PISD: variants seen among roughly 807,000 people sequenced by gnomAD.
The protein encoded by PISD is phosphatidylserine decarboxylase.
Under a neutral mutation model 43.5 loss-of-function variants are expected in PISD, and 31 were observed. The ratio of observed to expected loss-of-function variants is 0.71; its 90% CI spans 0.54 to 0.96. The LOEUF (loss-of-function observed/expected upper bound fraction) is 0.96. Among genes scored for constraint, PISD ranks in the 40% least tolerant of loss-of-function variants. PISD has a pLI of 0.00. For missense variants in PISD, 523 were observed against 548.4 expected (o/e 0.95, Z 0.46); for synonymous variants, 259 against 228.7 (o/e 1.13, Z -1.20).
chr22:31,619,591 G>A lies in PISD; in HGVS notation c.*21C>T. On this transcript the variant is annotated 3_prime_UTR_variant, in exon 8 of 8. Coordinates refer to ENST00000439502, the MANE Select transcript of PISD (RefSeq NM_001326411.2). ...TCTGTTTGGAAAAGATCCCTTAGCA[G>A]CCATAATCAGGAAAGAGACTCTAGA... 2 of 1,586,928 alleles carry A rather than the reference G, an allele frequency of 1.3e-6. No homozygotes were observed. Among genetic ancestry groups the A allele is most frequent in the South Asian group, 2.2e-5 (2 of 90,406 alleles).
At chr22:31,642,019 A>G (rs1025831089) in intron 3 of PISD, among the ~76,000 whole-genome samples, 4 of 151,080 alleles carry the variant, frequency 2.6e-5, no homozygotes, top group Admixed American at 1.3e-4. Context: ...GTAGGCTTTC[A>G]TCATGAGGAA....
In PISD at chr22:31,619,461, T is replaced by C. The variant is rs1349635618; in HGVS notation, c.*151A>G. 1.4e-6 allele frequency: 1 copy of C among 702,862 alleles called. No homozygotes were observed. The highest frequency in any genetic ancestry group is 2.6e-6 in the Non-Finnish European group (1 of 384,712). 43.5% of individuals were successfully genotyped at this position (702,862 alleles called of 1,614,324 possible). On this transcript the variant is annotated 3_prime_UTR_variant, in exon 8 of 8. Transcript: ENST00000439502. ...CTCTTGTCTGCACCTCTGGAACAGGTGGTAGCCGAATCATTCAAGTCCTAC... is the reference window on the plus strand; with the variant it reads ...CTCTTGTCTGCACCTCTGGAACAGGCGGTAGCCGAATCATTCAAGTCCTAC...
chr22:31,626,686 T>A (rs2072928651), intron 3 of PISD, among the ~76,000 whole-genome samples: 1 of 152,208 alleles, frequency 6.6e-6, no homozygotes, highest in Admixed American at 6.5e-5. Flanking sequence ...GAAAAGCACT[T>A]TGGCCAGGGC....
intron 3 of PISD, chr22:31,623,845 G>A (rs1302145823): frequency 1.9e-6 from 3 of 1,612,888 alleles, no homozygotes; most frequent in Non-Finnish European, 2.5e-6. Context: ...TGGGGGAAGT[G>A]CAACCTGCAG....
chr22:31,653,597 C>G (rs1349000343), intron 1 of PISD, among the ~76,000 whole-genome samples: 1 of 152,214 alleles, frequency 6.6e-6, no homozygotes, highest in African/African-American at 2.4e-5. Flanking sequence ...GTAGTCCCAG[C>G]TGCTGGAACA....
chr22:31,659,467 G>A (rs184139706), intron 1 of PISD, among the ~76,000 whole-genome samples: 6 of 152,284 alleles, frequency 3.9e-5, no homozygotes, highest in Middle Eastern at 3.4e-3. Flanking sequence ...TGCACGAGAA[G>A]CTACTTCCTA....
chr22:31,621,481 GC>G lies in PISD; in HGVS notation c.559-10del. On this transcript the variant is annotated splice_polypyrimidine_tract_variant and intron_variant, in intron 4 of 7. Coordinates refer to ENST00000439502, the MANE Select transcript of PISD (RefSeq NM_001326411.2). ...CCATCCGATGGGCTAATCTGGAAGGGCAGGAGAGGCTTGCTGCCAGGGAGAG... is the reference window on the plus strand; with the variant it reads ...CCATCCGATGGGCTAATCTGGAAGGGAGGAGAGGCTTGCTGCCAGGGAGAG... 6.2e-7 allele frequency: 1 copy of G among 1,614,050 alleles called. No individual in the cohort carries two copies.
intron 1 of PISD, among the ~76,000 whole-genome samples, chr22:31,655,441 G>C (rs1194616090): frequency 6.6e-6 from 1 of 151,694 alleles, no homozygotes; most frequent in Non-Finnish European, 1.5e-5. Flanking sequence ...TCAGCCTCCT[G>C]AGTAGCTAGG....
In PISD at chr22:31,637,184, T is replaced by A. The variant is rs577507120; in HGVS notation, c.321+10917A>T. ...AAAAAAATATATATATATATATATA[T>A]ATATATATATATATATATATATAGA... On this transcript the variant is annotated intron_variant, in intron 3 of 7. Transcript: ENST00000439502. 1.4e-4 allele frequency among the ~76,000 whole-genome samples: 11 copies of A among 76,086 alleles called. No homozygotes were observed. In the East Asian group the frequency reaches 2.6e-3, roughly 18 times the overall value. 49.9% of individuals were successfully genotyped at this position (76,086 alleles called of 152,430 possible).
chr22:31,638,189 C>T (rs553496197), intron 3 of PISD, among the ~76,000 whole-genome samples: 2 of 152,198 alleles, frequency 1.3e-5, no homozygotes, highest in African/African-American at 4.8e-5. Context: ...CAGCCCTCCC[C>T]CAAGACCTAG....
chr22:31,623,953 A>C (rs1603396654), intron 3 of PISD: 1 of 1,080,234 alleles, frequency 9.3e-7, no homozygotes, highest in South Asian at 1.6e-5. Context: ...CTGTCTACCC[A>C]CCCTTGGCAA....
At chr22:31,624,718 C>T (rs2147647705) in intron 3 of PISD, among the ~76,000 whole-genome samples, 1 of 111,824 alleles carries the variant, frequency 8.9e-6, no homozygotes, top group East Asian at 2.2e-4. Flanking sequence ...GGTGGACACA[C>T]ACACACACAC....
rs1220831419 is a variant in PISD, at chr22:31,630,396, G to A, written c.322-8511C>T. 6.6e-6 allele frequency: 1 copy of A among 152,182 alleles called. No homozygotes were observed. The highest frequency in any genetic ancestry group is 2.4e-5 in the African/African-American group (1 of 41,418). 9.4% of individuals were successfully genotyped at this position (152,182 alleles called of 1,614,324 possible). On this transcript the variant is annotated intron_variant, in intron 3 of 7. Transcript: ENST00000439502. The surrounding 1 kb of genome is among the most constrained non-coding windows in gnomAD (Gnocchi z 4.4). ...GCCCTCCGGCAGCACCAAGGAGACG[G>A]AGCTCTCAGCCCGGGCCCCGCCAAT... is the stretch of plus-strand genomic sequence containing the variant.
At chr22:31,623,851 T>C in intron 3 of PISD, 1 of 1,612,446 alleles carries the variant, frequency 6.2e-7, no homozygotes, top group Non-Finnish European at 8.5e-7. Context: ...AAGTGCAACC[T>C]GCAGGGCACA....
At chr22:31,624,749 ACACACAC>A (rs2072792826) in intron 3 of PISD, among the ~76,000 whole-genome samples, 1 of 146,030 alleles carries the variant, frequency 6.8e-6, no homozygotes, top group African/African-American at 2.6e-5. Flanking sequence ...ACACACACAC[ACACACAC>A]GAGACCCAAG....
intron 3 of PISD, chr22:31,629,316 G>A (rs374213581): frequency 2.1e-5 from 14 of 665,618 alleles, no homozygotes; most frequent in Middle Eastern, 7.8e-4. Flanking sequence ...GGAGGGGTGC[G>A]TGTATAGGTG....
chr22:31,649,080 C>A (rs999116724), intron 2 of PISD, among the ~76,000 whole-genome samples: 2 of 152,106 alleles, frequency 1.3e-5, no homozygotes, highest in African/African-American at 4.8e-5. Context: ...AATAGCCAGG[C>A]ACAGCGGCTT....
chr22:31,649,916 A>T (rs964083088), intron 2 of PISD, among the ~76,000 whole-genome samples: 1 of 152,166 alleles, frequency 6.6e-6, no homozygotes, highest in Non-Finnish European at 1.5e-5. Flanking sequence ...GGAATGCCAG[A>T]GATTGCCAGC....
chr22:31,631,818 A>G (rs2073217204), intron 3 of PISD, among the ~76,000 whole-genome samples: 1 of 152,188 alleles, frequency 6.6e-6, no homozygotes, highest in Non-Finnish European at 1.5e-5. Flanking sequence ...CCCATTCCCT[A>G]TTCAATGGTG....
Sources: allele counts gnomAD v4.1 joint callset (sites outside exome capture counted in the v4.1 genomes callset), GRCh38; gene constraint gnomAD v4.1.1; non-coding constraint Gnocchi (gnomAD v3.1); transcripts MANE v1.5; gene names NCBI Gene and HGNC (gene_info 2026-07-23, HGNC 2026-07-21).